The following RMDN1 variants were observed in gnomAD, a reference collection of about 807,000 sequenced individuals.
The protein encoded by RMDN1 is regulator of microtubule dynamics 1, also known as regulator of microtubule dynamics protein 1.
A neutral mutation model predicts 48.9 loss-of-function variants in RMDN1; 48 were observed. That is an observed-to-expected ratio of 0.98 (90% confidence interval 0.78 to 1.25). RMDN1 has a LOEUF of 1.25. RMDN1 is among the 50% of genes most tolerant of loss of function. The pLI, the probability that RMDN1 is intolerant of heterozygous loss-of-function variation, is 0.00. For missense variants in RMDN1, 418 were observed against 373.4 expected, an observed-to-expected ratio of 1.12 and a Z score of -0.98; for synonymous variants, 148 against 132.6, an observed-to-expected ratio of 1.12 and a Z score of -0.80.
downstream of RMDN1, chr8:86,472,289 A>T: frequency 1.6e-6 from 1 of 614,486 alleles, no homozygotes; most frequent in Admixed American, 2.9e-5. Context: ...CTGAGCACCA[A>T]AATGATGCTA....
chr8:86,499,815 G>A (rs534895159), intron 2 of RMDN1, among the ~76,000 whole-genome samples: 34 of 151,948 alleles, frequency 2.2e-4, no homozygotes, highest in South Asian at 6.2e-4. Flanking sequence ...TAACCCAAAC[G>A]GCATTATACT....
chr8:86,502,628 A>AC (rs1158916384), intron 2 of RMDN1, among the ~76,000 whole-genome samples: 3 of 152,192 alleles, frequency 2.0e-5, no homozygotes, highest in Non-Finnish European at 4.4e-5. Flanking sequence ...TCAACTTGTT[A>AC]CTTACCAAGC....
chr8:86,484,718 C>CAA (rs34599016), intron 5 of RMDN1, 154 bp downstream of exon 5: 3,445 of 273,084 alleles, frequency 0.013, 1 homozygote, highest in East Asian at 0.023. Flanking sequence ...AACTCCGTCT[C>CAA]AAAAAAAAAA....
chr8:86,504,905 G>T, intron 2 of RMDN1: 1 of 1,133,094 alleles, frequency 8.8e-7, no homozygotes, highest in Non-Finnish European at 1.3e-6. Flanking sequence ...TCACCTTCTT[G>T]ACCTTTACCT....
At chr8:86,475,103 C>CCTG in intron 8 of RMDN1, 150 bp from the exon 9 acceptor site, 1 of 560,872 alleles carries the variant, frequency 1.8e-6, no homozygotes, top group Non-Finnish European at 3.0e-6. Context: ...CTGTTTATAT[C>CCTG]TCAAACAAAT....
At chr8:86,503,597 C>A in intron 2 of RMDN1, 1 of 475,118 alleles carries the variant, frequency 2.1e-6, no homozygotes, top group Non-Finnish European at 4.2e-6. Flanking sequence ...GAAGGTCACC[C>A]CAGCTCTGAT....
At position 86,473,821 on chromosome 8, in the gene RMDN1, T is replaced by C; in HGVS notation, c.*487A>G. On this transcript the variant is annotated 3_prime_UTR_variant, in exon 10 of 10. Coordinates refer to ENST00000406452, the MANE Select transcript of RMDN1 (RefSeq NM_016033.3). The stretch of plus-strand genomic sequence containing the variant: ...TTAGTCATCTCCTTACTTAGTTCTT[T>C]ACTTACACAGGTTAGCTCCAAGATA... 1.0e-6 allele frequency: 1 copy of C among 985,094 alleles called. No individual in the cohort carries two copies. Among genetic ancestry groups the C allele is most frequent in the Non-Finnish European group, 1.2e-6 (1 of 829,596 alleles). 61.0% of individuals were successfully genotyped at this position (985,094 alleles called of 1,614,324 possible).
At chr8:86,492,121 G>A (rs770246942) in intron 2 of RMDN1, among the ~76,000 whole-genome samples, 8 of 151,936 alleles carry the variant, frequency 5.3e-5, no homozygotes, top group Admixed American at 1.3e-4. Flanking sequence ...CAATAAAGAG[G>A]AATTTTGAAA....
intron 2 of RMDN1, 122 bp from the exon 3 acceptor site, chr8:86,488,761 C>T (rs1815946281): frequency 1.9e-6 from 1 of 525,970 alleles, no homozygotes; most frequent in Admixed American, 3.7e-5. Flanking sequence ...ACAGAAATGA[C>T]CTACAATGAA....
chr8:86,475,359 G>GAT (rs1381970817), intron 8 of RMDN1, among the ~76,000 whole-genome samples: 1 of 151,926 alleles, frequency 6.6e-6, no homozygotes, highest in Non-Finnish European at 1.5e-5. Context: ...AGTGTACATC[G>GAT]GCTGAATAAG....
At chr8:86,481,891 C>A in intron 5 of RMDN1, 1 of 776,634 alleles carries the variant, frequency 1.3e-6, no homozygotes. Flanking sequence ...CTAATATGTT[C>A]AACAAAGTGG....
intron 5 of RMDN1, 137 bp downstream of exon 5, chr8:86,484,735 A>G (rs1369166925): frequency 4.3e-6 from 2 of 465,852 alleles, no homozygotes; most frequent in Non-Finnish European, 3.8e-6. Flanking sequence ...AAAAAAAAAA[A>G]GAAATAACAA....
At chr8:86,479,056 TTTCTC>T (rs777206181) in intron 6 of RMDN1, 46 bp from the exon 7 acceptor site, 2 of 1,396,190 alleles carry the variant, frequency 1.4e-6, no homozygotes, top group Non-Finnish European at 2.0e-6. Flanking sequence ...TGTACCTTCT[TTTCTC>T]TTAAAGTTAA....
Position 86,508,456 on chromosome 8 carries a change from G to C in RMDN1, c.129+36C>G, listed in dbSNP as rs1045216863. 26 of 1,533,358 alleles carry C rather than the reference G, an allele frequency of 1.7e-5. No homozygotes were observed. In the African/African-American group the frequency reaches 3.3e-4, roughly 20 times the overall value. The allele number at this position is 1,533,358 out of a possible 1,614,324, so 95.0% of individuals were successfully genotyped here. Reference sequence around the variant, plus strand: ...AGGGGGAGCCGGAACCCACTGAGTAGGAAGTGAGGAGCGGGAGCCAGGACC... The same window carrying C: ...AGGGGGAGCCGGAACCCACTGAGTACGAAGTGAGGAGCGGGAGCCAGGACC... On this transcript the variant is annotated intron_variant, in intron 1 of 9. Coordinates refer to ENST00000406452, the MANE Select transcript of RMDN1 (RefSeq NM_016033.3).
upstream of RMDN1, among the ~76,000 whole-genome samples, chr8:86,513,102 C>T (rs537260585): frequency 2.2e-4 from 33 of 151,536 alleles, no homozygotes; most frequent in Middle Eastern, 3.4e-3. Context: ...AGGCCAGGCA[C>T]GGTGGCTCAC....
At chr8:86,504,327 G>C in intron 2 of RMDN1, 1 of 1,578,892 alleles carries the variant, frequency 6.3e-7, no homozygotes, top group African/African-American at 1.3e-5. Flanking sequence ...AGAGTGCAAG[G>C]ATGTCACAAG....
At chr8:86,482,644 C>G (rs931309804) in intron 5 of RMDN1, 49 of 787,458 alleles carry the variant, frequency 6.2e-5, no homozygotes, top group Admixed American at 2.6e-4. Context: ...TACTTCCAGG[C>G]TTCCACATTG....
chr8:86,501,448 G>A (rs370467106), intron 2 of RMDN1, among the ~76,000 whole-genome samples: 54 of 152,248 alleles, frequency 3.5e-4, no homozygotes, highest in African/African-American at 1.3e-3. Flanking sequence ...TGAGGCAGGT[G>A]GATTGCTTGA....
At chr8:86,509,556 T>C (rs1339029727), upstream of RMDN1, among the ~76,000 whole-genome samples, 1 of 152,116 alleles carries the variant, frequency 6.6e-6, no homozygotes, top group East Asian at 1.9e-4. Context: ...TTTAAAAAAT[T>C]AGGTTGCATT....
Sources: gnomAD v4.1 joint callset for allele counts (sites outside exome capture counted in the v4.1 genomes callset) on GRCh38, gnomAD v4.1.1 for gene constraint, MANE v1.5 for transcripts, NCBI Gene and HGNC (gene_info 2026-07-23, HGNC 2026-07-21) for gene names.